TMCO5A: variants seen among roughly 807,000 people sequenced by gnomAD.
TMCO5A encodes transmembrane and coiled-coil domains 5A.
In TMCO5A, 34 loss-of-function variants were observed where a neutral mutation model predicts 42.3. That is an observed-to-expected ratio of 0.80 (90% CI 0.61 to 1.07). The LOEUF (loss-of-function observed/expected upper bound fraction) is 1.07. Among genes scored for constraint, TMCO5A ranks in the 50% least tolerant of loss-of-function variants. The pLI is 0.00. For synonymous variants in TMCO5A, 131 were observed against 115.6 expected (o/e 1.13, Z -0.86); for missense variants, 357 against 327.9 (o/e 1.09, Z -0.69).
chr15:38,021,014 T>C, the TMCO5A span, among the ~76,000 whole-genome samples: 1 of 152,124 alleles, frequency 6.6e-6, no homozygotes, highest in Non-Finnish European at 1.5e-5. Context: ...ATAACAAAAA[T>C]GTGTTGGACA....
intron 11 of TMCO5A, chr15:37,956,547 G>T (rs149686127): frequency 6.5e-6 from 1 of 153,386 alleles, no homozygotes; most frequent in East Asian, 1.9e-4. Context: ...CCAGGATGAA[G>T]TTGAATCCCT....
chr15:37,987,248 TAA>T, the TMCO5A span, among the ~76,000 whole-genome samples: 1 of 152,044 alleles, frequency 6.6e-6, no homozygotes, highest in Non-Finnish European at 1.5e-5. Context: ...TATTTTTAAT[TAA>T]GTTGTTATTA....
the TMCO5A span, among the ~76,000 whole-genome samples, chr15:37,991,037 C>T: frequency 8.6e-5 from 13 of 151,992 alleles, no homozygotes; most frequent in Non-Finnish European, 1.3e-4. Context: ...TGTAGAGTTA[C>T]AAATCAAAGT....
chr15:37,965,420 A>C (rs1013481098), intron 11 of TMCO5A, among the ~76,000 whole-genome samples: 3 of 152,196 alleles, frequency 2.0e-5, no homozygotes, highest in African/African-American at 7.2e-5. Flanking sequence ...GTTCTCATCA[A>C]GCTATAAAGC....
chr15:37,974,882 T>C, the TMCO5A span, among the ~76,000 whole-genome samples: 2 of 152,202 alleles, frequency 1.3e-5, no homozygotes, highest in Non-Finnish European at 2.9e-5. Flanking sequence ...CATTTAATGC[T>C]ATAAATTTTT....
chr15:38,036,496 TCACACACACACA>T, the TMCO5A span, among the ~76,000 whole-genome samples: 821 of 63,546 alleles, frequency 0.013, 9 homozygotes, highest in African/African-American at 0.026. Flanking sequence ...TCTCTCTCTC[TCACACACACACA>T]CACACACACA....
chr15:38,008,127 C>T, the TMCO5A span, among the ~76,000 whole-genome samples: 2 of 151,574 alleles, frequency 1.3e-5, no homozygotes, highest in Non-Finnish European at 2.9e-5. Flanking sequence ...GATCTCCTGA[C>T]CTCGTGATCT....
At chr15:37,960,011 A>T (rs956528184) in intron 11 of TMCO5A, among the ~76,000 whole-genome samples, 8 of 152,136 alleles carry the variant, frequency 5.3e-5, no homozygotes, top group African/African-American at 1.7e-4. Context: ...TACAAAAATC[A>T]GTAACTTTTT....
chr15:37,941,531 T>C (rs1182572218), intron 7 of TMCO5A, 140 bp from the exon 8 acceptor site: 1 of 710,632 alleles, frequency 1.4e-6, no homozygotes, highest in Admixed American at 2.7e-5. Context: ...AATACATTTA[T>C]CTGTACAGCA....
exon 12 of TMCO5A, chr15:37,966,904 G>T: frequency 1.9e-6 from 1 of 526,572 alleles, no homozygotes; most frequent in Non-Finnish European, 3.4e-6. Context: ...GTAAGGGAAT[G>T]ACCTAAACTA....
chr15:37,944,872 T>C lies in TMCO5A; in HGVS notation c.627+1474T>C, dbSNP rs556410325. Among the ~76,000 whole-genome samples the C allele has an allele frequency of 3.9e-5, 6 of 152,168 alleles. No homozygotes were observed. The East Asian group carries it at 1.2e-3, about 29-fold the overall frequency. ...AGCCTCATCTTTAGATTTTTTTTTC[T>C]TCAACTTTTAAGTTCAGGGGTACAT... On this transcript the variant is annotated intron_variant, in intron 10 of 11. Transcript: ENST00000319669.
chr15:38,036,477 GT>G, the TMCO5A span, among the ~76,000 whole-genome samples: 2 of 120,684 alleles, frequency 1.7e-5, no homozygotes, highest in Admixed American at 1.9e-4. Flanking sequence ...CTTTCTCTCT[GT>G]TTTTGTCTCT....
rs1166868711 is a variant in TMCO5A at position 37,941,136 on chromosome 15, T to C, written c.388-13T>C. ...TACCTTGCCAAGTTAGCAGTCTCTT[T>C]TGCTTTCTTTAGGTTAAGTTACAAC... On this transcript the variant is annotated splice_polypyrimidine_tract_variant and intron_variant, in intron 6 of 11. Transcript: ENST00000319669. 15 of 1,613,022 alleles carry C rather than the reference T, an allele frequency of 9.3e-6. No individual in the cohort carries two copies. The highest frequency in any genetic ancestry group is 2.2e-5 in the East Asian group (1 of 44,766).
chr15:37,985,010 T>G, the TMCO5A span, among the ~76,000 whole-genome samples: 1 of 150,964 alleles, frequency 6.6e-6, no homozygotes, highest in South Asian at 2.1e-4. Context: ...TAGAATGAAG[T>G]ATTCCACAAA....
the TMCO5A span, among the ~76,000 whole-genome samples, chr15:38,025,190 TGTGTGTGTGTGG>T: frequency 7.5e-6 from 1 of 133,424 alleles, no homozygotes; most frequent in South Asian, 2.5e-4. Context: ...TGTGTGTGTG[TGTGTGTGTGTGG>T]AAGCAGAAAA....
chr15:37,969,907 T>C (rs1890643070), downstream of TMCO5A, among the ~76,000 whole-genome samples: 2 of 152,358 alleles, frequency 1.3e-5, no homozygotes, highest in South Asian at 2.1e-4. Context: ...CCACATTTTA[T>C]TTATCCTGTC....
the TMCO5A span, chr15:37,984,681 C>CT: frequency 0.038 from 1,604 of 41,862 alleles, 300 homozygotes; most frequent in East Asian, 0.049. Context: ...GAACATTTGT[C>CT]TTTTTTTTTT....
chr15:37,972,674 G>A (rs541576947), downstream of TMCO5A, among the ~76,000 whole-genome samples: 7 of 152,146 alleles, frequency 4.6e-5, no homozygotes, highest in East Asian at 9.7e-4. Flanking sequence ...ATAGATTCTG[G>A]ATATTCGACA....
the TMCO5A span, among the ~76,000 whole-genome samples, chr15:37,989,332 TC>T: frequency 6.6e-6 from 1 of 151,978 alleles, no homozygotes; most frequent in Non-Finnish European, 1.5e-5. Context: ...ATTATTTGTT[TC>T]TTCCTGCTAG....
Sources: allele counts gnomAD v4.1 joint callset (sites outside exome capture counted in the v4.1 genomes callset), GRCh38; gene constraint gnomAD v4.1.1; transcripts MANE v1.5; gene names NCBI Gene and HGNC (gene_info 2026-07-23, HGNC 2026-07-21).